HOXA11: variants seen among roughly 807,000 people sequenced by gnomAD.
HOXA11 encodes homeobox protein Hox-A11.
A neutral mutation model predicts 22.5 loss-of-function variants in HOXA11; 8 were observed. That is an observed-to-expected ratio of 0.36 (90% CI 0.21 to 0.64). The LOEUF (loss-of-function observed/expected upper bound fraction) is 0.64, where lower values mean the gene tolerates loss of function less well. Ranked by LOEUF, HOXA11 falls within the 30% of genes least tolerant of loss-of-function variation. The probability of loss-of-function intolerance (pLI) is 0.67; values close to 1 mark genes in which losing one functional copy is unlikely to be tolerated. For synonymous variants in HOXA11, 211 were observed against 188.4 expected (o/e 1.12, Z -0.98); for missense variants, 388 against 429.0 (o/e 0.90, Z 0.84).
Position 27,184,577 on chromosome 7 carries a change from A to T in HOXA11, c.568T>A (p.Ser190Thr), listed in dbSNP as rs1229518461. The stretch of plus-strand genomic sequence containing the variant: ...CCGCCGCCGCCGCTGTCCGAACTTG[A>T]AGTTGCCGGCGCGCCCGTTGCAGCC... The part of the protein sequence containing the change: ...AAAATGAPAT[S>T]SSDSGGGGGC... The change falls in exon 1 of 2, where the codon TCA becomes ACA. Residue 190 changes from serine to threonine, a missense_variant. Transcript: ENST00000006015. The T allele has an allele frequency of 2.1e-5, 32 of 1,498,740 alleles. No homozygotes were observed. Among genetic ancestry groups the T allele is most frequent in the African/African-American group, 2.9e-5 (2 of 68,604 alleles). 92.8% of individuals were successfully genotyped at this position (1,498,740 alleles called of 1,614,324 possible).
chr7:27,184,638 G>A lies in HOXA11; in HGVS notation c.507C>T (p.Pro169=), dbSNP rs1783830821. Residue 169 remains proline, a synonymous_variant, in exon 1 of 2, where the codon CCC becomes CCT. Transcript: ENST00000006015. ...CCGCGGAGGTCGCCGTGGCCGCCGG[G>A]GGCCCCTTCTCGGCGCTCTTGTCCC... The part of the protein sequence containing the change: ...YPGDKSAEKG[P]PAATATSAAA... 24 of 1,581,856 alleles carry A rather than the reference G, an allele frequency of 1.5e-5. No homozygotes were observed. The East Asian group carries it at 5.7e-4, about 38-fold the overall frequency.
At position 27,182,391 on chromosome 7, in the gene HOXA11, G is replaced by A. The variant is rs1783784362; in HGVS notation, c.*405C>T. The A allele has an allele frequency of 5.1e-6, 2 of 389,144 alleles. No homozygotes were observed. The highest frequency in any genetic ancestry group is 9.5e-6 in the Non-Finnish European group (2 of 209,438). The allele number at this position is 389,144 out of a possible 1,614,324, so 24.1% of individuals were successfully genotyped here. ...GTCCCCAAGCTGAACTGGGCTTGGA[G>A]AGCACACAGCTTTTTTACTCAGGGG... is the stretch of plus-strand genomic sequence containing the variant. On this transcript the variant is annotated 3_prime_UTR_variant, in exon 2 of 2. Coordinates refer to ENST00000006015, the MANE Select transcript of HOXA11 (RefSeq NM_005523.6).
rs964927563 is a variant in HOXA11, at chr7:27,184,479, G to C, written c.666C>G (p.Pro222=). 3.2e-6 allele frequency: 5 copies of C among 1,552,258 alleles called. No homozygotes were observed. Among genetic ancestry groups the C allele is most frequent in the African/African-American group, 1.4e-5 (1 of 72,400 alleles). ...CCTCAGTGTGGCCGGAAGACGACTCGGGGCTGCTGCTGCTCTCGGGGCGCC... is the reference window on the plus strand; with the variant it reads ...CCTCAGTGTGGCCGGAAGACGACTCCGGGCTGCTGCTGCTCTCGGGGCGCC... ...RRRRPESSSS[P]ESSSGHTEDK... The change falls in exon 1 of 2, where the codon CCC becomes CCG. Residue 222 remains proline, a synonymous_variant. Coordinates refer to ENST00000006015, the MANE Select transcript of HOXA11 (RefSeq NM_005523.6).
rs748995496 is a variant in HOXA11, at chr7:27,182,665, C to T, written c.*131G>A. 2.7e-6 allele frequency: 2 copies of T among 731,880 alleles called. No homozygotes were observed. The highest frequency in any genetic ancestry group is 2.5e-6 in the Non-Finnish European group (1 of 396,292). The allele number at this position is 731,880 out of a possible 1,614,324, so 45.3% of individuals were successfully genotyped here. A position where few individuals can be genotyped will look rare whatever the true frequency, so the allele number is the denominator to read the frequency against. ...GAGTCCCAGACCACCTCCTGTGGGG[C>T]TATCTCCATGCATCCCTCTCTTGCA... On this transcript the variant is annotated 3_prime_UTR_variant, in exon 2 of 2. Transcript: ENST00000006015.
At position 27,184,548 on chromosome 7, in the gene HOXA11, G is replaced by A. The variant is rs1783826519; in HGVS notation, c.597C>T (p.Gly199=). The A allele has an allele frequency of 2.8e-6, 4 of 1,408,014 alleles. No individual in the cohort carries two copies. The East Asian group carries it at 8.7e-5, about 31-fold the overall frequency. The allele number at this position is 1,408,014 out of a possible 1,614,324, so 87.2% of individuals were successfully genotyped here. The change falls in exon 1 of 2, where the codon GGC becomes GGT. Residue 199 remains glycine, a synonymous_variant. Coordinates refer to ENST00000006015, the MANE Select transcript of HOXA11 (RefSeq NM_005523.6). ...CTGCTGCCGCCGCCGTCTCCCGGCA[G>A]CCGCCGCCGCCGCCGCTGTCCGAAC... ...TSSSDSGGGG[G]CRETAAAAEE...
Position 27,185,194 on chromosome 7 carries a change from C to T in HOXA11, c.-50G>A. The T allele has an allele frequency of 6.2e-7, 1 of 1,612,436 alleles. No homozygotes were observed. Among genetic ancestry groups the T allele is most frequent in the Non-Finnish European group, 8.5e-7 (1 of 1,179,752 alleles). On this transcript the variant is annotated 5_prime_UTR_variant, in exon 1 of 2. Coordinates refer to ENST00000006015, the MANE Select transcript of HOXA11 (RefSeq NM_005523.6). ...CAGTAGCCGAGCTTAACATGATTCT[C>T]CACTGCAGCTGCCTCTTTGAAGCGG...
intron 1 of HOXA11, 115 bp downstream of exon 1, chr7:27,184,321 G>A (rs1783821177): frequency 1.3e-5 from 13 of 1,015,030 alleles, no homozygotes; most frequent in Non-Finnish European, 1.9e-5. Context: ...GAAACCTAAA[G>A]GCCCTTCATA....
Position 27,184,967 on chromosome 7 carries a change from C to A in HOXA11, c.178G>T (p.Val60Leu). 1 of 1,613,988 alleles carries A rather than the reference C, an allele frequency of 6.2e-7. No homozygotes were observed. The highest frequency in any genetic ancestry group is 8.5e-7 in the Non-Finnish European group (1 of 1,179,886). ...TCAATGGCGTACTCTCTGAAGGTCA[C>A]TTCGCGCACGGGTTGGACCTGGGGC... ...NLPQVQPVRE[V>L]TFREYAIEPA... Residue 60 changes from valine (V) to leucine (L), a missense_variant, in exon 1 of 2, where the codon GTG becomes TTG. By Grantham distance (32) the Val-to-Leu change is conservative. Transcript: ENST00000006015.
In HOXA11 at chr7:27,181,328, T is replaced by C. The variant is rs1361245398; in HGVS notation, c.*1468A>G. Among the ~76,000 whole-genome samples the C allele has an allele frequency of 2.6e-5, 4 of 152,208 alleles. No individual in the cohort carries two copies. Among genetic ancestry groups the C allele is most frequent in the Non-Finnish European group, 4.4e-5 (3 of 68,030 alleles). On this transcript the variant is annotated 3_prime_UTR_variant, in exon 2 of 2. Coordinates refer to ENST00000006015, the MANE Select transcript of HOXA11 (RefSeq NM_005523.6). Reference sequence around the variant, plus strand: ...AAAGGAGATTCAATGGGAGGGTGCCTGGCTTTCCCAGATGAGATCCCCAGG... The same window carrying C: ...AAAGGAGATTCAATGGGAGGGTGCCCGGCTTTCCCAGATGAGATCCCCAGG...
Position 27,185,079 on chromosome 7 carries a change from G to A in HOXA11, c.66C>T (p.Val22=). 1 of 1,614,206 alleles carries A rather than the reference G, an allele frequency of 6.2e-7. No individual in the cohort carries two copies. Among genetic ancestry groups the A allele is most frequent in the Non-Finnish European group, 8.5e-7 (1 of 1,180,030 alleles). Residue 22 remains valine, a synonymous_variant, in exon 1 of 2, where the codon GTC becomes GTT. Coordinates refer to ENST00000006015, the MANE Select transcript of HOXA11 (RefSeq NM_005523.6). ...GGAGGCTGGAGAAATCTGGACCCGA[G>A]ACGTAGTAAGTACAACTTGGCAAAT... ...NMYLPSCTYY[V]SGPDFSSLPS...
rs201074014 is a variant in HOXA11 at position 27,184,836 on chromosome 7, A to G, written c.309T>C (p.Pro103=). The change falls in exon 1 of 2, where the codon CCT becomes CCC. Residue 103 remains proline, a synonymous_variant. Coordinates refer to ENST00000006015, the MANE Select transcript of HOXA11 (RefSeq NM_005523.6). Reference sequence around the variant, plus strand: ...CCGAGCTCTTGGCCAGCACGTCGCCAGGCACGCCGGCCGCGCTGGGCGCCT... The same window carrying G: ...CCGAGCTCTTGGCCAGCACGTCGCCGGGCACGCCGGCCGCGCTGGGCGCCT... ...CLQAPSAAGV[P]GDVLAKSSAN... The G allele has an allele frequency of 1.2e-6, 2 of 1,613,398 alleles. No homozygotes were observed. Among genetic ancestry groups the G allele is most frequent in the African/African-American group, 1.3e-5 (1 of 75,026 alleles).
At position 27,184,737 on chromosome 7, in the gene HOXA11, C is replaced by G. The variant is rs995097601; in HGVS notation, c.408G>C (p.Leu136=). The change falls in exon 1 of 2, where the codon CTG becomes CTC. Residue 136 remains leucine, a synonymous_variant. Transcript: ENST00000006015. ...CGAAAAACTGGTCGAAAGCCTGTGG[C>G]AGGACGCCGTTCCTGCCCACGGTGC... ...FYSTVGRNGV[L]PQAFDQFFET... 1 of 1,613,820 alleles carries G rather than the reference C, an allele frequency of 6.2e-7. No homozygotes were observed. Among genetic ancestry groups the G allele is most frequent in the Non-Finnish European group, 8.5e-7 (1 of 1,179,948 alleles).
chr7:27,183,170 T>C (rs562352319), intron 1 of HOXA11, 142 bp from the exon 2 acceptor site: 1 of 632,666 alleles, frequency 1.6e-6, no homozygotes, highest in Non-Finnish European at 2.8e-6. Context: ...CCCCTGCCTT[T>C]AACGCTCCGA....
In HOXA11 at chr7:27,184,583, C is replaced by A. The variant is rs1291733444; in HGVS notation, c.562G>T (p.Ala188Ser). 6.7e-7 allele frequency: 1 copy of A among 1,493,034 alleles called. No individual in the cohort carries two copies. The highest frequency in any genetic ancestry group is 1.3e-5 in the South Asian group (1 of 77,440). 92.5% of individuals were successfully genotyped at this position (1,493,034 alleles called of 1,614,324 possible). The change falls in exon 1 of 2, where the codon GCA becomes TCA. Residue 188 changes from alanine (A) to serine (S), a missense_variant. Ala to Ser is a moderately conservative substitution (Grantham distance 99, BLOSUM62 1). Transcript: ENST00000006015. The part of the protein sequence containing the change: ...AAAAAATGAP[A>S]TSSSDSGGGG... ...CCGCCGCTGTCCGAACTTGAAGTTGCCGGCGCGCCCGTTGCAGCCGCCGCC... is the reference window on the plus strand; with the variant it reads ...CCGCCGCTGTCCGAACTTGAAGTTGACGGCGCGCCCGTTGCAGCCGCCGCC...
Position 27,184,799 on chromosome 7 carries a change from G to C in HOXA11, c.346C>G (p.His116Asp), listed in dbSNP as rs1783835729. The C allele has an allele frequency of 6.2e-7, 1 of 1,613,840 alleles. No homozygotes were observed. Among genetic ancestry groups the C allele is most frequent in the Non-Finnish European group, 8.5e-7 (1 of 1,179,956 alleles). ...GACGAGACTGCGGGGGTGGGGTGGT[G>C]GTAGACGTTGGCCGAGCTCTTGGCC... The part of the protein sequence containing the change: ...VLAKSSANVY[H>D]HPTPAVSSNF... Residue 116 changes from histidine (H) to aspartate (D), a missense_variant, in exon 1 of 2, where the codon CAC (histidine) becomes GAC (aspartate). By Grantham distance (81) the His-to-Asp change is moderately conservative. Transcript: ENST00000006015.
Position 27,182,998 on chromosome 7 carries a change from G to A in HOXA11, c.740C>T (p.Pro247Leu). The A allele has an allele frequency of 1.2e-6, 2 of 1,613,946 alleles. No individual in the cohort carries two copies. Among genetic ancestry groups the A allele is most frequent in the Non-Finnish European group, 1.7e-6 (2 of 1,179,982 alleles). The change falls in exon 2 of 2, where the codon CCC becomes CTC. Residue 247 changes from proline (P) to leucine (L), a missense_variant. By Grantham distance (98) the Pro-to-Leu change is moderately conservative (BLOSUM62 -3). Coordinates refer to ENST00000006015, the MANE Select transcript of HOXA11 (RefSeq NM_005523.6). ...SGQRTRKKRC[P>L]YTKYQIRELE... is the part of the protein sequence containing the mutation. ...CTCTCGGATCTGGTACTTGGTATAG[G>A]GGCAGCGCTTTTTGCGGGTGCGTTG...
At position 27,181,350 on chromosome 7, in the gene HOXA11, C is replaced by T. The variant is rs1181839273; in HGVS notation, c.*1446G>A. Among the ~76,000 whole-genome samples the T allele has an allele frequency of 6.6e-6, 1 of 152,208 alleles. No individual in the cohort carries two copies. Among genetic ancestry groups the T allele is most frequent in the Non-Finnish European group, 1.5e-5 (1 of 68,032 alleles). On this transcript the variant is annotated 3_prime_UTR_variant, in exon 2 of 2. Transcript: ENST00000006015. ...GCCTGGCTTTCCCAGATGAGATCCC[C>T]AGGCCGGCCAGGCCGACTGCCTCTG...
At chr7:27,183,232 G>C (rs1252046905) in intron 1 of HOXA11, among the ~76,000 whole-genome samples, 1 of 152,240 alleles carries the variant, frequency 6.6e-6, no homozygotes, top group Non-Finnish European at 1.5e-5. Context: ...ATAAAAGCCA[G>C]CTCCCTAAAT....
In HOXA11 at chr7:27,184,616, CGGAGGTCGCCGTGGCCGCCGG is replaced by C. The variant is rs763294104; in HGVS notation, c.508_528del (p.Pro170_Ser176del). On this transcript the variant is annotated inframe_deletion, in exon 1 of 2. Coordinates refer to ENST00000006015, the MANE Select transcript of HOXA11 (RefSeq NM_005523.6). ...CCCGTTGCAGCCGCCGCCGCCGCCGCGGAGGTCGCCGTGGCCGCCGGGGGCCCCTTCTCGGCGCTCTTGTCC... is the reference window on the plus strand; with the variant it reads ...CCCGTTGCAGCCGCCGCCGCCGCCGCGGGCCCCTTCTCGGCGCTCTTGTCC... 6 of 1,523,198 alleles carry C rather than the reference CGGAGGTCGCCGTGGCCGCCGG, an allele frequency of 3.9e-6. No individual in the cohort carries two copies. The Admixed American group carries it at 1.3e-4, about 32-fold the overall frequency. The allele number at this position is 1,523,198 out of a possible 1,614,324, so 94.4% of individuals were successfully genotyped here.
Sources: allele counts gnomAD v4.1 joint callset (sites outside exome capture counted in the v4.1 genomes callset), GRCh38; gene constraint gnomAD v4.1.1; transcripts MANE v1.5; gene names NCBI Gene and HGNC (gene_info 2026-07-23, HGNC 2026-07-21).